Variants in HRH1 observed in about 807,000 individuals in gnomAD.
HRH1 encodes histamine receptor H1, also known as histamine H1 receptor.
In HRH1, 6 loss-of-function variants were observed where a neutral mutation model predicts 10.3. That is an observed-to-expected ratio of 0.58 (90% CI 0.32 to 1.15). The LOEUF is 1.15. Among genes scored for constraint, HRH1 ranks in the 50% most tolerant of loss-of-function variants. The probability of loss-of-function intolerance (pLI) is 0.05; values close to 1 mark genes in which losing one functional copy is unlikely to be tolerated. For missense variants in HRH1, 514 were observed against 615.3 expected (o/e 0.84, Z 1.74); for synonymous variants, 242 against 236.7 (o/e 1.02, Z -0.21).
chr3:11,243,065 C>T (rs1170392901), intron 1 of HRH1, among the ~76,000 whole-genome samples: 3 of 152,166 alleles, frequency 2.0e-5, no homozygotes, highest in African/African-American at 7.2e-5. Context: ...AGGTGCCTGC[C>T]ACCACGCCTG....
At chr3:11,145,196 C>T (rs1936410639) in intron 1 of HRH1, among the ~76,000 whole-genome samples, 1 of 152,150 alleles carries the variant, frequency 6.6e-6, no homozygotes, top group Admixed American at 6.5e-5. Context: ...GCGGGGCCTC[C>T]CTTGGGCCTC....
chr3:11,143,602 C>T (rs921057325), intron 1 of HRH1, among the ~76,000 whole-genome samples: 3 of 152,238 alleles, frequency 2.0e-5, no homozygotes, highest in African/African-American at 7.2e-5. Flanking sequence ...CAAACTCACC[C>T]TGGCATTCCA....
intron 1 of HRH1, among the ~76,000 whole-genome samples, chr3:11,172,941 C>A (rs1344092541): frequency 6.6e-6 from 1 of 152,108 alleles, no homozygotes; most frequent in Non-Finnish European, 1.5e-5. Flanking sequence ...TTGTGATCCA[C>A]CCGTCTCGGC....
chr3:11,246,220 T>TA (rs1158509191), intron 1 of HRH1, among the ~76,000 whole-genome samples: 3 of 152,300 alleles, frequency 2.0e-5, no homozygotes, highest in Non-Finnish European at 4.4e-5. Context: ...CCTAGGCTGC[T>TA]ACTCTGAGGA....
At chr3:11,139,486 G>A (rs1936251523) in intron 1 of HRH1, among the ~76,000 whole-genome samples, 2 of 151,690 alleles carry the variant, frequency 1.3e-5, no homozygotes, top group African/African-American at 2.4e-5. Context: ...CACCGTGTTG[G>A]CAAAGCTGAT....
At chr3:11,159,533 A>T (rs1379585870) in intron 1 of HRH1, among the ~76,000 whole-genome samples, 1 of 152,200 alleles carries the variant, frequency 6.6e-6, no homozygotes, top group Admixed American at 6.5e-5. Context: ...CGACTTCTGC[A>T]TTTCTGGAAT....
chr3:11,140,434 C>G (rs772639619), intron 1 of HRH1, among the ~76,000 whole-genome samples: 2 of 152,142 alleles, frequency 1.3e-5, no homozygotes, highest in Non-Finnish European at 2.9e-5. Context: ...CACACCAAGG[C>G]TCTTCCACAC....
intron 1 of HRH1, among the ~76,000 whole-genome samples, chr3:11,203,200 A>G (rs1937995214): frequency 6.6e-6 from 1 of 152,266 alleles, no homozygotes. Context: ...ATAAATAAAA[A>G]TAAAGCTGCT....
intron 1 of HRH1, among the ~76,000 whole-genome samples, chr3:11,229,567 A>G (rs1460446395): frequency 2.0e-5 from 3 of 152,176 alleles, no homozygotes; most frequent in Middle Eastern, 3.2e-3. Flanking sequence ...CTTAACTTGT[A>G]TATTTCAGTC....
chr3:11,247,546 A>C lies in HRH1; in HGVS notation c.-35-11457A>C, dbSNP rs189633257. 1.2e-3 allele frequency among the ~76,000 whole-genome samples: 182 copies of C among 152,276 alleles called. 1 individual carries two copies. The Middle Eastern group carries it at 0.017, about 14-fold the overall frequency. On this transcript the variant is annotated intron_variant, in intron 1 of 1. Coordinates refer to ENST00000431010, the MANE Select transcript of HRH1 (RefSeq NM_001098212.2). The stretch of plus-strand genomic sequence containing the variant: ...CGGGAAGGAAGAGGGACTGTCCCTT[A>C]CTAGGTGGGAAGGCATATCTGGATT...
At chr3:11,234,075 A>AT (rs1248965240) in intron 1 of HRH1, among the ~76,000 whole-genome samples, 1 of 151,812 alleles carries the variant, frequency 6.6e-6, no homozygotes, top group African/African-American at 2.4e-5. Flanking sequence ...TACAACTCCC[A>AT]TTTTTTTTCA....
chr3:11,251,574 G>C (rs766629109), intron 1 of HRH1, among the ~76,000 whole-genome samples: 2 of 152,148 alleles, frequency 1.3e-5, no homozygotes, highest in Non-Finnish European at 2.9e-5. Flanking sequence ...CTACAAAAAG[G>C]TGTCTTCCGG....
At chr3:11,227,643 A>T (rs943953012) in intron 1 of HRH1, among the ~76,000 whole-genome samples, 1 of 151,902 alleles carries the variant, frequency 6.6e-6, no homozygotes, top group Admixed American at 6.6e-5. Flanking sequence ...GCTGCACAGG[A>T]CTCTGGTCTG....
chr3:11,253,646 G>A (rs1376787124), intron 1 of HRH1, among the ~76,000 whole-genome samples: 1 of 152,094 alleles, frequency 6.6e-6, no homozygotes, highest in Non-Finnish European at 1.5e-5. Flanking sequence ...ATCTCCCTAA[G>A]GTCTCTCATA....
Position 11,161,840 on chromosome 3 carries a change from T to A in HRH1, c.-36+7286T>A, listed in dbSNP as rs1455399814. ...CCATTAACAAGCCAGGAACTCAAGATGGAGTTTTCTCCCACTGGTCTCTCC... is the reference window on the plus strand; with the variant it reads ...CCATTAACAAGCCAGGAACTCAAGAAGGAGTTTTCTCCCACTGGTCTCTCC... On this transcript the variant is annotated intron_variant, in intron 1 of 1. Transcript: ENST00000431010. Among the ~76,000 whole-genome samples the A allele has an allele frequency of 2.6e-5, 4 of 152,150 alleles. No homozygotes were observed. The East Asian group carries it at 7.7e-4, about 29-fold the overall frequency.
chr3:11,234,866 T>C (rs541123420), intron 1 of HRH1, among the ~76,000 whole-genome samples: 1 of 152,358 alleles, frequency 6.6e-6, no homozygotes, highest in Admixed American at 6.5e-5. Flanking sequence ...CTTATTTTTT[T>C]CATGTGTCTC....
chr3:11,198,362 T>C (rs987637100), intron 1 of HRH1, among the ~76,000 whole-genome samples: 1 of 152,152 alleles, frequency 6.6e-6, no homozygotes, highest in Admixed American at 6.5e-5. Context: ...CTCTGATCTG[T>C]ATCATTTCCA....
chr3:11,172,752 A>G lies in HRH1; in HGVS notation c.-36+18198A>G, dbSNP rs1310064825. ...GAGTCTCGCTCTGTCCCCCAGGCTG[A>G]AGTGCAGTAGGCGATCTCGGCTCAC... is the stretch of plus-strand genomic sequence containing the variant. On this transcript the variant is annotated intron_variant, in intron 1 of 1. Transcript: ENST00000431010. Among the ~76,000 whole-genome samples, 50 of 138,568 alleles carry G rather than the reference A, an allele frequency of 3.6e-4. No individual in the cohort carries two copies. The East Asian group carries it at 8.2e-3, about 23-fold the overall frequency. 90.9% of individuals were successfully genotyped at this position (138,568 alleles called of 152,430 possible).
chr3:11,216,842 T>G (rs1040673556), intron 1 of HRH1, among the ~76,000 whole-genome samples: 1 of 150,504 alleles, frequency 6.6e-6, no homozygotes, highest in African/African-American at 2.4e-5. Context: ...GTTGTACCAC[T>G]GCACACCAGC....
Sources: allele counts gnomAD v4.1 joint callset (sites outside exome capture counted in the v4.1 genomes callset), GRCh38; gene constraint gnomAD v4.1.1; transcripts MANE v1.5; gene names NCBI Gene and HGNC (gene_info 2026-07-23, HGNC 2026-07-21).